Variants in CAPRIN1 observed in about 807,000 individuals in gnomAD.
CAPRIN1 encodes the protein caprin-1.
Under a neutral mutation model 100.9 loss-of-function variants are expected in CAPRIN1, and 29 were observed. The observed-to-expected ratio is 0.29, with a 90% CI of 0.21 to 0.39. The LOEUF is 0.39. Among genes scored for constraint, CAPRIN1 ranks in the 10% least tolerant of loss-of-function variants. CAPRIN1 has a pLI of 1.00. For missense variants in CAPRIN1, 795 were observed against 876.7 expected, an observed-to-expected ratio of 0.91 and a Z score of 1.18; for synonymous variants, 338 against 307.5, an observed-to-expected ratio of 1.10 and a Z score of -1.04.
intron 11 of CAPRIN1, among the ~76,000 whole-genome samples, chr11:34,088,493 C>T (rs1851194234): frequency 1.3e-5 from 2 of 151,546 alleles, no homozygotes; most frequent in African/African-American, 2.4e-5. Flanking sequence ...CTCGCCTCTA[C>T]AAAAAAATTA....
chr11:34,093,859 C>CT (rs200198509), intron 15 of CAPRIN1, among the ~76,000 whole-genome samples: 1 of 151,750 alleles, frequency 6.6e-6, no homozygotes, highest in Admixed American at 6.6e-5. Flanking sequence ...TCTCGAACAC[C>CT]AGTCACATAC....
intron 6 of CAPRIN1, among the ~76,000 whole-genome samples, 179 bp downstream of exon 6, chr11:34,076,821 C>T (rs1237393708): frequency 6.6e-6 from 1 of 151,692 alleles, no homozygotes; most frequent in Non-Finnish European, 1.5e-5. Context: ...GCAACCTCCG[C>T]CTCCCAGGTT....
intron 6 of CAPRIN1, among the ~76,000 whole-genome samples, chr11:34,077,065 A>G (rs983234907): frequency 4.6e-5 from 7 of 152,210 alleles, no homozygotes; most frequent in African/African-American, 1.7e-4. Flanking sequence ...ATATTAATTG[A>G]ATAAAATTTA....
At chr11:34,060,592 T>C (rs1333233749) in intron 2 of CAPRIN1, among the ~76,000 whole-genome samples, 1 of 152,232 alleles carries the variant, frequency 6.6e-6, no homozygotes, top group Non-Finnish European at 1.5e-5. Flanking sequence ...TTGAGTTACA[T>C]TGAACTTCTT....
In CAPRIN1 at chr11:34,082,947, C is replaced by T. The variant is rs1472482016; in HGVS notation, c.880-8C>T. 2 of 1,613,076 alleles carry T rather than the reference C, an allele frequency of 1.2e-6. No individual in the cohort carries two copies. Among genetic ancestry groups the T allele is most frequent in the Admixed American group, 1.7e-5 (1 of 59,998 alleles). On this transcript the variant is annotated splice_region_variant and splice_polypyrimidine_tract_variant and intron_variant, in intron 8 of 18. Coordinates refer to ENST00000341394, the MANE Select transcript of CAPRIN1 (RefSeq NM_005898.5). ...ACAAATGTCTCAAACATTTACTTTG[C>T]TTTGCAGTATGTAAATAGACAGTTC... is the stretch of plus-strand genomic sequence containing the variant.
At chr11:34,096,707 T>A in intron 16 of CAPRIN1, 34 bp downstream of exon 16, 1 of 1,497,960 alleles carries the variant, frequency 6.7e-7, no homozygotes, top group Non-Finnish European at 9.1e-7. Context: ...CTAATGACCT[T>A]TTACTAGTTC....
chr11:34,088,150 A>G (rs1851188320), intron 11 of CAPRIN1, among the ~76,000 whole-genome samples: 1 of 152,058 alleles, frequency 6.6e-6, no homozygotes, highest in Non-Finnish European at 1.5e-5. Flanking sequence ...GTACAGGCAC[A>G]CACCACACTA....
At chr11:34,097,127 CA>C in intron 16 of CAPRIN1, 68 bp from the exon 17 acceptor site, 2 of 1,075,346 alleles carry the variant, frequency 1.9e-6, no homozygotes, top group Non-Finnish European at 2.9e-6. Context: ...TTCCCGTCTT[CA>C]TTAATAAAAA....
rs764332430 is a variant in CAPRIN1 at position 34,072,004 on chromosome 11, A to G, written c.366+17A>G. ...AGTCAAGATGTAAGTAAAAGAAAGT[A>G]TACATATTTATGAAATACTTTTGTT... On this transcript the variant is annotated intron_variant, in intron 4 of 18. Coordinates refer to ENST00000341394, the MANE Select transcript of CAPRIN1 (RefSeq NM_005898.5). The G allele has an allele frequency of 3.3e-6, 5 of 1,513,112 alleles. No individual in the cohort carries two copies. The African/African-American group carries it at 5.5e-5, about 17-fold the overall frequency. The allele number at this position is 1,513,112 out of a possible 1,614,324, so 93.7% of individuals were successfully genotyped here.
At chr11:34,083,862 G>A (rs1851080379) in intron 9 of CAPRIN1, among the ~76,000 whole-genome samples, 1 of 152,264 alleles carries the variant, frequency 6.6e-6, no homozygotes, top group South Asian at 2.1e-4. Context: ...GAGGCCAAGA[G>A]TTAGAGACCA....
intron 17 of CAPRIN1, 69 bp downstream of exon 17, chr11:34,097,365 C>A: frequency 8.1e-7 from 1 of 1,233,284 alleles, no homozygotes; most frequent in South Asian, 1.2e-5. Flanking sequence ...AGTGTTGTTG[C>A]TTAATGAACC....
At chr11:34,066,102 A>G (rs1461140368) in intron 2 of CAPRIN1, among the ~76,000 whole-genome samples, 2 of 151,784 alleles carry the variant, frequency 1.3e-5, no homozygotes, top group African/African-American at 4.8e-5. Context: ...TCCTACCTGC[A>G]CCTCCTGGGA....
intron 6 of CAPRIN1, among the ~76,000 whole-genome samples, chr11:34,077,414 G>C (rs1449398765): frequency 1.3e-5 from 2 of 152,180 alleles, no homozygotes; most frequent in Non-Finnish European, 2.9e-5. Flanking sequence ...CTGCTAATTT[G>C]AGGATGTTAA....
At chr11:34,052,383 TCCTC>T (rs1276341192) in intron 1 of CAPRIN1, 34 bp from the exon 2 acceptor site, 1 of 1,551,346 alleles carries the variant, frequency 6.4e-7, no homozygotes, top group African/African-American at 1.4e-5. Flanking sequence ...CTCTTGTCCT[TCCTC>T]CCGCTTTTTC....
chr11:34,073,234 T>C (rs1232601194), intron 4 of CAPRIN1, among the ~76,000 whole-genome samples: 3 of 152,184 alleles, frequency 2.0e-5, no homozygotes, highest in African/African-American at 7.2e-5. Flanking sequence ...GACTTGACTT[T>C]GTAGTTTGAC....
chr11:34,089,558 G>A (rs1284566601), intron 12 of CAPRIN1, 102 bp downstream of exon 12: 42 of 654,330 alleles, frequency 6.4e-5, no homozygotes, highest in South Asian at 2.4e-4. Flanking sequence ...CTTGAGGTCA[G>A]GAGTTCAAGA....
intron 11 of CAPRIN1, among the ~76,000 whole-genome samples, chr11:34,087,579 C>T (rs549013529): frequency 6.5e-5 from 8 of 122,674 alleles, no homozygotes; most frequent in Middle Eastern, 4.0e-3. Context: ...GTGATCCGCC[C>T]GCCTCGGCCT....
chr11:34,065,503 G>A (rs778964849), intron 2 of CAPRIN1, among the ~76,000 whole-genome samples: 8 of 152,206 alleles, frequency 5.3e-5, no homozygotes, highest in Non-Finnish European at 1.0e-4. Flanking sequence ...CTGAGAATTT[G>A]TGTTTCTAAC....
chr11:34,068,485 T>C (rs1344960772), intron 2 of CAPRIN1, among the ~76,000 whole-genome samples: 1 of 152,230 alleles, frequency 6.6e-6, no homozygotes, highest in African/African-American at 2.4e-5. Flanking sequence ...TAATCTGCGA[T>C]AGCTCTCGGT....
Sources: allele counts gnomAD v4.1 joint callset (sites outside exome capture counted in the v4.1 genomes callset), GRCh38; gene constraint gnomAD v4.1.1; transcripts MANE v1.5; gene names NCBI Gene and HGNC (gene_info 2026-07-23, HGNC 2026-07-21).